Variants in NDST4 observed in about 807,000 individuals in gnomAD.
The protein encoded by NDST4 is N-heparan sulfate sulfotransferase 4.
Under a neutral mutation model 100.8 loss-of-function variants are expected in NDST4, and 63 were observed. The observed-to-expected ratio is 0.62, with a 90% confidence interval of 0.51 to 0.77. The LOEUF is 0.77. Ranked by LOEUF, NDST4 falls within the 30% of genes least tolerant of loss-of-function variation. The pLI is 0.00. For synonymous variants in NDST4, 377 were observed against 361.8 expected (o/e 1.04, Z -0.48); for missense variants, 943 against 1,018.4 (o/e 0.93, Z 1.01).
intron 7 of NDST4, 146 bp from the exon 8 acceptor site, chr4:114,852,967 T>C: frequency 1.9e-6 from 1 of 536,728 alleles, no homozygotes; most frequent in South Asian, 2.9e-5. Flanking sequence ...GGTTTCCAAA[T>C]CTTTTTTAAA....
chr4:115,009,104 AC>A (rs1727484970), intron 2 of NDST4, among the ~76,000 whole-genome samples: 1 of 126,160 alleles, frequency 7.9e-6, no homozygotes, highest in Non-Finnish European at 1.7e-5. Flanking sequence ...AAATGGCCAT[AC>A]TGCCCAAGGT....
At chr4:115,028,721 T>A (rs1243304907) in intron 2 of NDST4, among the ~76,000 whole-genome samples, 2 of 152,020 alleles carry the variant, frequency 1.3e-5, no homozygotes, top group Non-Finnish European at 2.9e-5. Flanking sequence ...TAATTATGAA[T>A]AGGAATTAGT....
At chr4:115,006,735 A>C (rs1294092862) in intron 2 of NDST4, among the ~76,000 whole-genome samples, 1 of 152,028 alleles carries the variant, frequency 6.6e-6, no homozygotes, top group Non-Finnish European at 1.5e-5. Flanking sequence ...AGGATTCTGG[A>C]GTTGTCATGT....
At chr4:115,051,256 T>C (rs975042667) in intron 2 of NDST4, among the ~76,000 whole-genome samples, 3 of 152,260 alleles carry the variant, frequency 2.0e-5, no homozygotes, top group East Asian at 3.9e-4. Context: ...TTTAAGTGCA[T>C]ATAAAGGATA....
chr4:115,072,166 G>A (rs901309138), intron 2 of NDST4, among the ~76,000 whole-genome samples: 3 of 151,978 alleles, frequency 2.0e-5, no homozygotes, highest in Non-Finnish European at 4.4e-5. Context: ...AAAGCAGCAA[G>A]AGAAAAGCAT....
At chr4:114,904,489 G>T (rs528507672) in intron 6 of NDST4, among the ~76,000 whole-genome samples, 47 of 151,724 alleles carry the variant, frequency 3.1e-4, no homozygotes, top group Admixed American at 6.6e-4. Flanking sequence ...CTCTTTATTT[G>T]CTTATGATAC....
intron 4 of NDST4, among the ~76,000 whole-genome samples, chr4:114,961,233 A>G (rs1431701031): frequency 6.6e-6 from 1 of 152,044 alleles, no homozygotes; most frequent in Non-Finnish European, 1.5e-5. Flanking sequence ...TAGCTGTAAA[A>G]TGCCTTTATT....
intron 4 of NDST4, among the ~76,000 whole-genome samples, chr4:114,958,785 T>A (rs1726197180): frequency 6.6e-6 from 1 of 152,260 alleles, no homozygotes; most frequent in Non-Finnish European, 1.5e-5. Flanking sequence ...CTTGAATTTC[T>A]GTTCAGAAAA....
chr4:114,891,085 G>C (rs1049976212), intron 6 of NDST4, among the ~76,000 whole-genome samples: 3 of 151,980 alleles, frequency 2.0e-5, no homozygotes, highest in African/African-American at 4.8e-5. Context: ...CATCCTACTT[G>C]ACACTTCAAC....
intron 12 of NDST4, among the ~76,000 whole-genome samples, chr4:114,833,145 C>T (rs918477310): frequency 1.3e-5 from 2 of 152,158 alleles, no homozygotes; most frequent in African/African-American, 4.8e-5. Context: ...ATAGCTGGAA[C>T]AGTATACATG....
chr4:114,975,836 GCTT>G (rs1726621271), intron 3 of NDST4, among the ~76,000 whole-genome samples: 1 of 152,026 alleles, frequency 6.6e-6, no homozygotes, highest in African/African-American at 2.4e-5. Context: ...CATAGTCAGA[GCTT>G]CTTTGGTCTG....
At chr4:115,055,401 G>T (rs186686028) in intron 2 of NDST4, among the ~76,000 whole-genome samples, 126 of 152,234 alleles carry the variant, frequency 8.3e-4, no homozygotes, top group Middle Eastern at 3.4e-3. Flanking sequence ...GTGCCAAAAA[G>T]ATTGGGGATC....
chr4:115,057,646 G>A (rs759062126), intron 2 of NDST4, among the ~76,000 whole-genome samples: 6 of 151,468 alleles, frequency 4.0e-5, no homozygotes, highest in East Asian at 2.0e-4. Context: ...TTTTATACAC[G>A]TATCTGGCTT....
chr4:115,024,155 A>G (rs927564269), intron 2 of NDST4, among the ~76,000 whole-genome samples: 1 of 152,130 alleles, frequency 6.6e-6, no homozygotes, highest in Non-Finnish European at 1.5e-5. Context: ...CACAGCCCCC[A>G]CTAGGAAAAT....
At chr4:114,933,433 T>A (rs1342846174) in intron 6 of NDST4, among the ~76,000 whole-genome samples, 1 of 22,914 alleles carries the variant, frequency 4.4e-5, no homozygotes, top group South Asian at 9.9e-4. Context: ...TTTCTTTTCC[T>A]TTTTTTTTTT....
intron 2 of NDST4, among the ~76,000 whole-genome samples, chr4:115,023,434 G>A (rs887474084): frequency 1.4e-5 from 2 of 147,224 alleles, no homozygotes; most frequent in Admixed American, 6.9e-5. Context: ...GCAGTGAGCC[G>A]AGATCGTGCC....
At position 114,833,776 on chromosome 4, in the gene NDST4, C is replaced by T. The variant is rs144109014; in HGVS notation, c.2287-61G>A. On this transcript the variant is annotated intron_variant, in intron 11 of 13. Transcript: ENST00000264363. ...AAATTAAATTGAATAGACTGTGATG[C>T]CTTCCTTTACCTGGTGTGACATTCA... 9.9e-4 allele frequency: 967 copies of T among 974,826 alleles called. 5 individuals are homozygous for T. The African/African-American group carries it at 0.013, about 14-fold the overall frequency. 60.4% of individuals were successfully genotyped at this position (974,826 alleles called of 1,614,324 possible).
chr4:114,842,762 T>G (rs986625429), intron 10 of NDST4: 2 of 162,364 alleles, frequency 1.2e-5, no homozygotes, highest in African/African-American at 4.9e-5. Flanking sequence ...GATCACGCCA[T>G]TGCACTCCAA....
intron 2 of NDST4, among the ~76,000 whole-genome samples, chr4:115,049,212 G>C (rs578039372): frequency 6.6e-6 from 1 of 151,904 alleles, no homozygotes; most frequent in African/African-American, 2.4e-5. Flanking sequence ...TAAACCTTCA[G>C]CATGGTAAAA....
Sources: allele counts gnomAD v4.1 joint callset (sites outside exome capture counted in the v4.1 genomes callset), GRCh38; gene constraint gnomAD v4.1.1; transcripts MANE v1.5; gene names NCBI Gene and HGNC (gene_info 2026-07-23, HGNC 2026-07-21).